Variants in FBXL18 observed in about 807,000 individuals in gnomAD.
FBXL18 encodes F-box and leucine rich repeat protein 18, also known as F-box/LRR-repeat protein 18.
FBXL18 carries 36 observed loss-of-function variants against 46.0 expected under a neutral mutation model. The ratio of observed to expected loss-of-function variants is 0.78; its 90% CI spans 0.60 to 1.03. The LOEUF (loss-of-function observed/expected upper bound fraction) is 1.03, where lower values mean the gene tolerates loss of function less well. FBXL18 is among the 50% of genes least tolerant of loss of function. The probability of loss-of-function intolerance (pLI) is 0.00; values close to 1 mark genes in which losing one functional copy is unlikely to be tolerated. For missense variants in FBXL18, 977 were observed against 1,004.1 expected, an observed-to-expected ratio of 0.97 and a Z score of 0.36; for synonymous variants, 557 against 465.3, an observed-to-expected ratio of 1.20 and a Z score of -2.54.
Position 5,491,456 on chromosome 7 carries a change from GGAGA to G in FBXL18, c.1782-11_1782-8del. The G allele has an allele frequency of 6.4e-7, 1 of 1,565,268 alleles. No individual in the cohort carries two copies. ...GAAGTAGGGCTGCTCCAGCCTGCGG[GGAGA>G]GAGGGCAGCTGTGAGGTCCGAGGGA... On this transcript the variant is annotated splice_region_variant and splice_polypyrimidine_tract_variant and intron_variant, in intron 3 of 4. Transcript: ENST00000382368.
chr7:5,468,996 T>TTA (rs57279071), intron 4 of FBXL18, among the ~76,000 whole-genome samples: 1 of 21,780 alleles, frequency 4.6e-5, no homozygotes, highest in Non-Finnish European at 1.3e-4. Context: ...GTGTGTGAAT[T>TTA]GAGAGTGTGT....
At chr7:5,507,659 C>G (rs1784425179) in intron 1 of FBXL18, among the ~76,000 whole-genome samples, 1 of 151,778 alleles carries the variant, frequency 6.6e-6, no homozygotes, top group Admixed American at 6.6e-5. Context: ...CATGGTGAAA[C>G]CCCGTCTCTA....
chr7:5,464,677 A>AC (rs1246508856), intron 4 of FBXL18, among the ~76,000 whole-genome samples: 1 of 143,198 alleles, frequency 7.0e-6, no homozygotes, highest in African/African-American at 2.5e-5. Context: ...AAAAAAAAAA[A>AC]AAAAAACACT....
At chr7:5,487,251 G>A (rs573400978) in intron 4 of FBXL18, among the ~76,000 whole-genome samples, 7 of 152,390 alleles carry the variant, frequency 4.6e-5, no homozygotes, top group Admixed American at 4.6e-4. Flanking sequence ...GCCAGGCACA[G>A]GCACTGATGC....
intron 4 of FBXL18, among the ~76,000 whole-genome samples, chr7:5,464,896 C>G (rs967388265): frequency 1.3e-5 from 2 of 151,546 alleles, no homozygotes; most frequent in Admixed American, 1.3e-4. Context: ...AAACCCCGTC[C>G]TACTAAAAAT....
Position 5,480,298 on chromosome 7 carries a change from C to A in FBXL18, c.*1477G>T, listed in dbSNP as rs887931186. 1.7e-4 allele frequency among the ~76,000 whole-genome samples: 26 copies of A among 152,126 alleles called. No homozygotes were observed. Among genetic ancestry groups the A allele is most frequent in the Non-Finnish European group, 2.9e-5 (2 of 68,020 alleles). On this transcript the variant is annotated 3_prime_UTR_variant, in exon 5 of 5. Transcript: ENST00000382368. ...CAGGCTAGCAGGGCCCAACTACAGC[C>A]CCCTTTGGAAGCCACTGGCCCAGGG...
chr7:5,464,409 G>A (rs142258209), intron 4 of FBXL18, among the ~76,000 whole-genome samples: 4,051 of 152,046 alleles, frequency 0.027, 150 homozygotes, highest in Admixed American at 0.12. Flanking sequence ...GAACCCAGGA[G>A]GCAGAGGTTG....
chr7:5,456,168 C>G (rs535161480), intron 4 of FBXL18, among the ~76,000 whole-genome samples: 3 of 152,224 alleles, frequency 2.0e-5, no homozygotes, highest in Non-Finnish European at 2.9e-5. Context: ...CTGTCCTCCC[C>G]GAGGCTCAGC....
rs1423868445 is a variant in FBXL18, at chr7:5,501,770, TGCACTC to T, written c.493_498del (p.Glu165_Cys166del). The T allele has an allele frequency of 6.4e-7, 1 of 1,559,400 alleles. No homozygotes were observed. Among genetic ancestry groups the T allele is most frequent in the Admixed American group, 1.9e-5 (1 of 51,528 alleles). ...TCCCGCACGCGGCTCAGGGTGGCCTTGCACTCGCTGCTCAGCTGGCTGGCGTCGAAG... is the reference window on the plus strand; with the variant it reads ...TCCCGCACGCGGCTCAGGGTGGCCTTGCTGCTCAGCTGGCTGGCGTCGAAG... On this transcript the variant is annotated inframe_deletion, in exon 3 of 5. Transcript: ENST00000382368.
rs1584174850 is a variant in FBXL18 at position 5,455,459 on chromosome 7, A to G, written c.2001-7616T>C. Among the ~76,000 whole-genome samples the G allele has an allele frequency of 6.6e-6, 1 of 152,026 alleles. No homozygotes were observed. The highest frequency in any genetic ancestry group is 1.5e-5 in the Non-Finnish European group (1 of 67,976). ...CAAGGAGCACTCTCGTGGGAGCACT[A>G]CCTTAGTCTCCTTGCTCGCCACTGG... On this transcript the variant is annotated intron_variant and NMD_transcript_variant, in intron 4 of 6. Coordinates refer to the FBXL18 transcript ENST00000415009. This position sits in a 1 kb window ranked among gnomAD's most constrained non-coding sequence, Gnocchi z 4.6.
chr7:5,493,485 T>C (rs1368893802), intron 3 of FBXL18, among the ~76,000 whole-genome samples: 7 of 151,804 alleles, frequency 4.6e-5, no homozygotes, highest in Admixed American at 1.3e-4. Flanking sequence ...TTAGTAGAGA[T>C]GGGGTTTCAC....
chr7:5,512,394 C>G (rs1341218192), intron 1 of FBXL18, among the ~76,000 whole-genome samples: 5 of 150,610 alleles, frequency 3.3e-5, no homozygotes, highest in African/African-American at 1.2e-4. Context: ...GCGGGTGGAT[C>G]ACCTGAGGTC....
intron 3 of FBXL18, among the ~76,000 whole-genome samples, chr7:5,494,413 C>A (rs770327695): frequency 3.1e-4 from 47 of 152,224 alleles, no homozygotes; most frequent in Non-Finnish European, 6.5e-4. Context: ...GCCTAGGTGA[C>A]AGAGCGAGAC....
intron 3 of FBXL18, 114 bp from the exon 4 acceptor site, chr7:5,491,563 T>G (rs996829359): frequency 4.7e-6 from 4 of 853,542 alleles, no homozygotes; most frequent in African/African-American, 1.7e-5. Context: ...CCAGCCCAGC[T>G]GTTCCCGCCA....
At chr7:5,469,366 C>T (rs950675165) in intron 4 of FBXL18, among the ~76,000 whole-genome samples, 35 of 152,162 alleles carry the variant, frequency 2.3e-4, no homozygotes, top group African/African-American at 7.7e-4. Flanking sequence ...GAGCTGAGAT[C>T]GTGCCACTGC....
intron 1 of FBXL18, among the ~76,000 whole-genome samples, chr7:5,509,922 C>A (rs1408430026): frequency 6.6e-6 from 1 of 151,960 alleles, no homozygotes; most frequent in African/African-American, 2.4e-5. Flanking sequence ...TGAGTCATTT[C>A]CCTGGAACTT....
chr7:5,494,425 C>CT (rs1340027350), intron 3 of FBXL18, among the ~76,000 whole-genome samples: 4 of 152,074 alleles, frequency 2.6e-5, no homozygotes, highest in African/African-American at 9.7e-5. Context: ...GAGCGAGACT[C>CT]TGTCTCACAC....
At chr7:5,507,714 G>A (rs1244975961) in intron 1 of FBXL18, among the ~76,000 whole-genome samples, 1 of 150,918 alleles carries the variant, frequency 6.6e-6, no homozygotes, top group African/African-American at 2.4e-5. Context: ...GGCGCTTGTA[G>A]TCCCAGCTAC....
downstream of FBXL18, among the ~76,000 whole-genome samples, chr7:5,473,548 G>A (rs555847137): frequency 2.2e-4 from 33 of 152,220 alleles, no homozygotes; most frequent in African/African-American, 7.7e-4. Context: ...GATCACCTGA[G>A]GTCAGGAGTT....
Sources: allele counts gnomAD v4.1 joint callset (sites outside exome capture counted in the v4.1 genomes callset), GRCh38; gene constraint gnomAD v4.1.1; non-coding constraint Gnocchi (gnomAD v3.1); transcripts MANE v1.5; gene names NCBI Gene and HGNC (gene_info 2026-07-23, HGNC 2026-07-21).